The following FAM177A1 variants were observed in gnomAD, a reference collection of about 807,000 sequenced individuals.
The protein encoded by FAM177A1 is family with sequence similarity 177 member A1.
FAM177A1 carries 22 observed loss-of-function variants against 26.1 expected under a neutral mutation model. That is an observed-to-expected ratio of 0.84 (90% CI 0.60 to 1.20). FAM177A1 has a LOEUF of 1.20. Among genes scored for constraint, FAM177A1 ranks in the 50% most tolerant of loss-of-function variants. The pLI is 0.00. For synonymous variants in FAM177A1, 95 were observed against 99.3 expected (o/e 0.96, Z 0.26); for missense variants, 296 against 291.1 (o/e 1.02, Z -0.12).
intron 2 of FAM177A1, among the ~76,000 whole-genome samples, chr14:35,075,739 A>T (rs1251572491): frequency 1.3e-5 from 2 of 152,258 alleles, no homozygotes; most frequent in Non-Finnish European, 2.9e-5. Flanking sequence ...CAATGAACTC[A>T]AACAAATTTA....
chr14:35,058,136 C>A (rs963420965), intron 2 of FAM177A1, among the ~76,000 whole-genome samples: 3 of 151,874 alleles, frequency 2.0e-5, no homozygotes, highest in African/African-American at 4.8e-5. Context: ...TGCAGTGACA[C>A]GATTTCAGCT....
At position 35,046,489 on chromosome 14, in the gene FAM177A1, C is replaced by T; in HGVS notation, c.26C>T (p.Thr9Ile). Reference sequence around the variant, plus strand: ...ATGGAAGTGGGCTTACCGGCCATTACCCTCTTTCTCACCAGCGCCAGCAGC... The same window carrying T: ...ATGGAAGTGGGCTTACCGGCCATTATCCTCTTTCTCACCAGCGCCAGCAGC... Reference protein sequence around the residue: MEVGLPAITLFLTSASSPV... With the variant: MEVGLPAIILFLTSASSPV... Residue 9 changes from threonine to isoleucine, a missense_variant, in exon 1 of 5, where the codon ACC becomes ATC. Coordinates refer to ENST00000280987, the MANE Select transcript of FAM177A1 (RefSeq NM_173607.5). 5.6e-6 allele frequency: 9 copies of T among 1,600,562 alleles called. No homozygotes were observed. Among genetic ancestry groups the T allele is most frequent in the Non-Finnish European group, 7.7e-6 (9 of 1,175,104 alleles).
At chr14:35,074,620 C>A (rs2045368658) in intron 2 of FAM177A1, among the ~76,000 whole-genome samples, 1 of 151,976 alleles carries the variant, frequency 6.6e-6, no homozygotes, top group African/African-American at 2.4e-5. Context: ...GCCACTGCGC[C>A]CCGCCCCATC....
intron 2 of FAM177A1, among the ~76,000 whole-genome samples, chr14:35,069,230 G>A (rs546508949): frequency 1.3e-5 from 2 of 150,542 alleles, no homozygotes; most frequent in South Asian, 4.2e-4. Context: ...TGAATGTATC[G>A]TTGGGTTTCC....
At chr14:35,048,276 G>A (rs1264941138) in intron 1 of FAM177A1, among the ~76,000 whole-genome samples, 2 of 151,872 alleles carry the variant, frequency 1.3e-5, no homozygotes, top group African/African-American at 4.8e-5. Flanking sequence ...CACTACCTCC[G>A]CCCTGGATCT....
In FAM177A1 at chr14:35,081,191, T is replaced by G; in HGVS notation, c.674T>G (p.Met225Arg). 1.2e-6 allele frequency: 2 copies of G among 1,613,488 alleles called. No individual in the cohort carries two copies. Among genetic ancestry groups the G allele is most frequent in the Non-Finnish European group, 1.7e-6 (2 of 1,179,866 alleles). ...FEMEGDSEVI[M>R]ESKQNPVSVP... The stretch of plus-strand genomic sequence containing the variant: ...ATGGAGGGAGACAGTGAAGTAATTA[T>G]GGAAAGCAAGCAAAATCCAGTCTCT... The change falls in exon 5 of 5, where the codon ATG becomes AGG. Residue 225 changes from methionine to arginine, a missense_variant. Transcript: ENST00000280987.
At chr14:35,053,526 G>A in intron 2 of FAM177A1, 75 bp downstream of exon 2, 1 of 1,361,262 alleles carries the variant, frequency 7.3e-7, no homozygotes, top group African/African-American at 1.5e-5. Context: ...ACATTGAGTG[G>A]AAGGGACCTT....
chr14:35,047,580 C>T (rs1013695000), intron 1 of FAM177A1, among the ~76,000 whole-genome samples: 1 of 152,214 alleles, frequency 6.6e-6, no homozygotes, highest in Admixed American at 6.5e-5. Flanking sequence ...GAAACCCCTT[C>T]TCTACTAAAA....
intron 2 of FAM177A1, among the ~76,000 whole-genome samples, chr14:35,069,888 C>T (rs1390268111): frequency 6.6e-6 from 1 of 151,254 alleles, no homozygotes; most frequent in Non-Finnish European, 1.5e-5. Flanking sequence ...GAGGCCGAGG[C>T]GGATAGATCA....
rs1245731239 is a variant in FAM177A1 at position 35,053,358 on chromosome 14, C to G, written c.246C>G (p.His82Gln). The G allele has an allele frequency of 6.2e-7, 1 of 1,613,978 alleles. No homozygotes were observed. The highest frequency in any genetic ancestry group is 8.5e-7 in the Non-Finnish European group (1 of 1,180,024). Residue 82 changes from histidine (H) to glutamine (Q), a missense_variant, in exon 2 of 5, where the codon CAC becomes CAG. Coordinates refer to ENST00000280987, the MANE Select transcript of FAM177A1 (RefSeq NM_173607.5). The part of the protein sequence containing the change: ...KKKKVPRRVI[H>Q]FVSGETMEEY... ...AGAAAGTCCCAAGGAGAGTCATCCA[C>G]TTTGTTAGTGGTGAAACAATGGAAG...
At chr14:35,075,903 C>A (rs558517841) in intron 2 of FAM177A1, among the ~76,000 whole-genome samples, 1 of 152,174 alleles carries the variant, frequency 6.6e-6, no homozygotes, top group Non-Finnish European at 1.5e-5. Flanking sequence ...TACCATCTCA[C>A]ACCAGTTAGA....
intron 2 of FAM177A1, among the ~76,000 whole-genome samples, chr14:35,074,944 C>G (rs1020081435): frequency 9.2e-5 from 14 of 151,876 alleles, no homozygotes; most frequent in African/African-American, 2.7e-4. Flanking sequence ...GGCTGAGGCA[C>G]AAGAGTCACT....
In FAM177A1 at chr14:35,046,450, C is replaced by CG; in HGVS notation, c.-10dup. On this transcript the variant is annotated 5_prime_UTR_variant, in exon 1 of 5. Transcript: ENST00000280987. Reference sequence around the variant, plus strand: ...CAGCCTGGCTCGGCCAGCGACTGGGCGGGGAGACCAAGGATGGAAGTGGGC... The same window carrying CG: ...CAGCCTGGCTCGGCCAGCGACTGGGCGGGGGAGACCAAGGATGGAAGTGGGC... 1.3e-6 allele frequency: 2 copies of CG among 1,544,190 alleles called. No homozygotes were observed. The highest frequency in any genetic ancestry group is 1.8e-6 in the Non-Finnish European group (2 of 1,141,958).
intron 2 of FAM177A1, among the ~76,000 whole-genome samples, chr14:35,060,236 A>C (rs1014237520): frequency 6.6e-6 from 1 of 151,488 alleles, no homozygotes; most frequent in South Asian, 2.1e-4. Context: ...TGGCCTCCTA[A>C]AGTGCTGGGA....
At chr14:35,046,683 C>T (rs1489169085) in intron 1 of FAM177A1, 55 bp downstream of exon 1, 37 of 1,487,766 alleles carry the variant, frequency 2.5e-5, no homozygotes, top group Non-Finnish European at 3.1e-5. Context: ...TCCTTGCCTT[C>T]TCCGCGGGCC....
intron 2 of FAM177A1, among the ~76,000 whole-genome samples, chr14:35,063,079 T>C (rs1595046480): frequency 1.4e-5 from 2 of 145,790 alleles, no homozygotes; most frequent in South Asian, 4.3e-4. Flanking sequence ...GAGAATGGCT[T>C]GAACCCGGGA....
chr14:35,052,741 A>G (rs898173520), intron 1 of FAM177A1, among the ~76,000 whole-genome samples: 1 of 152,082 alleles, frequency 6.6e-6, no homozygotes, highest in South Asian at 2.1e-4. Context: ...CCTGGGCAAC[A>G]TAGCCAGACA....
At chr14:35,063,786 T>TTAC (rs969926949) in intron 2 of FAM177A1, among the ~76,000 whole-genome samples, 1 of 151,992 alleles carries the variant, frequency 6.6e-6, no homozygotes, top group African/African-American at 2.4e-5. Flanking sequence ...TTGCCTGTAA[T>TTAC]CCCAGCACTT....
intron 2 of FAM177A1, among the ~76,000 whole-genome samples, chr14:35,069,442 T>C (rs1045252897): frequency 2.0e-5 from 3 of 152,060 alleles, no homozygotes; most frequent in Non-Finnish European, 2.9e-5. Context: ...TGTGCCACCA[T>C]GCCCGGCTAA....
Sources: gnomAD v4.1 joint callset for allele counts (sites outside exome capture counted in the v4.1 genomes callset) on GRCh38, gnomAD v4.1.1 for gene constraint, MANE v1.5 for transcripts, NCBI Gene and HGNC (gene_info 2026-07-23, HGNC 2026-07-21) for gene names.